The following MECOM variants were observed in gnomAD, a reference collection of about 807,000 sequenced individuals.
MECOM encodes the protein histone-lysine N-methyltransferase MECOM.
Under a neutral mutation model 116.3 loss-of-function variants are expected in MECOM, and 13 were observed. The observed-to-expected ratio is 0.11, with a 90% CI of 0.07 to 0.18. MECOM has a LOEUF of 0.18. MECOM is among the 10% of genes least tolerant of loss of function. The pLI is 1.00. For missense variants in MECOM, 1,299 were observed against 1,509.0 expected (o/e 0.86, Z 2.31); for synonymous variants, 528 against 535.2 (o/e 0.99, Z 0.19).
At chr3:169,520,870 C>T (rs1422686092) in intron 1 of MECOM, among the ~76,000 whole-genome samples, 1 of 152,170 alleles carries the variant, frequency 6.6e-6, no homozygotes, top group African/African-American at 2.4e-5. Flanking sequence ...GCTCTGCACC[C>T]ACCCCAATTG....
chr3:169,454,579 C>A (rs1278130522), intron 1 of MECOM, among the ~76,000 whole-genome samples: 1 of 151,930 alleles, frequency 6.6e-6, no homozygotes, highest in African/African-American at 2.4e-5. Flanking sequence ...AAGATACCTA[C>A]CTTTAGAATT....
chr3:169,363,699 G>A (rs1299608148), intron 2 of MECOM, among the ~76,000 whole-genome samples: 1 of 151,808 alleles, frequency 6.6e-6, no homozygotes, highest in East Asian at 1.9e-4. Flanking sequence ...CAGCCTGGCC[G>A]AAAAACTGTA....
chr3:169,101,316 C>A (rs2148950572), intron 11 of MECOM, among the ~76,000 whole-genome samples: 1 of 152,250 alleles, frequency 6.6e-6, no homozygotes, highest in Admixed American at 6.5e-5. Flanking sequence ...GTTTCTGATT[C>A]TGGGTTGATG....
intron 2 of MECOM, among the ~76,000 whole-genome samples, 180 bp from the exon 3 acceptor site, chr3:169,144,012 G>A (rs541574225): frequency 6.6e-5 from 10 of 152,170 alleles, no homozygotes; most frequent in African/African-American, 2.2e-4. Flanking sequence ...ACAACATACT[G>A]CTTTTTTAAA....
intron 2 of MECOM, among the ~76,000 whole-genome samples, chr3:169,180,929 A>G (rs1377066167): frequency 1.3e-5 from 2 of 151,386 alleles, no homozygotes; most frequent in African/African-American, 2.4e-5. Context: ...TCCAGTCTTA[A>G]AAAAAGGCAA....
intron 2 of MECOM, among the ~76,000 whole-genome samples, chr3:169,299,013 T>A (rs1447444363): frequency 1.3e-5 from 2 of 152,168 alleles, no homozygotes; most frequent in East Asian, 3.9e-4. Flanking sequence ...CTTGGAGAGA[T>A]CTTTAATCTG....
chr3:169,189,767 C>A (rs539667206), intron 2 of MECOM, among the ~76,000 whole-genome samples: 41 of 152,058 alleles, frequency 2.7e-4, no homozygotes, highest in Middle Eastern at 3.4e-3. Flanking sequence ...GACATAAATT[C>A]TCTCTCTCTC....
At chr3:169,453,558 C>T (rs1027618733) in intron 1 of MECOM, among the ~76,000 whole-genome samples, 6 of 152,106 alleles carry the variant, frequency 3.9e-5, no homozygotes, top group Non-Finnish European at 8.8e-5. Flanking sequence ...AGGAGGAGTA[C>T]TTCTTTACTA....
chr3:169,456,819 A>G (rs1746591421), intron 1 of MECOM, among the ~76,000 whole-genome samples: 1 of 152,162 alleles, frequency 6.6e-6, no homozygotes, highest in Non-Finnish European at 1.5e-5. Flanking sequence ...ATTAGTAATA[A>G]ACAAACTACT....
chr3:169,297,400 C>A (rs1006837874), intron 2 of MECOM, among the ~76,000 whole-genome samples: 12 of 152,190 alleles, frequency 7.9e-5, no homozygotes, highest in Non-Finnish European at 1.5e-4. Context: ...TTCTATCAAT[C>A]ATTAAACAAG....
chr3:169,433,558 GAGGA>G (rs140793511), intron 1 of MECOM, among the ~76,000 whole-genome samples: 4,377 of 146,016 alleles, frequency 0.03, 172 homozygotes, highest in African/African-American at 0.087. Flanking sequence ...AAGAAAGAAA[GAGGA>G]AGGAAGGAAG....
At chr3:169,642,162 A>G (rs559583444) in intron 1 of MECOM, among the ~76,000 whole-genome samples, 1 of 152,340 alleles carries the variant, frequency 6.6e-6, no homozygotes, top group Non-Finnish European at 1.5e-5. Context: ...AGAATCTAAC[A>G]AAATGGCATA....
intron 2 of MECOM, among the ~76,000 whole-genome samples, chr3:169,234,578 C>T (rs1753805749): frequency 6.6e-6 from 1 of 152,078 alleles, no homozygotes; most frequent in Non-Finnish European, 1.5e-5. Flanking sequence ...ATCTGGTAAA[C>T]TTACTAAAGA....
intron 10 of MECOM, among the ~76,000 whole-genome samples, chr3:169,105,617 T>C (rs918624356): frequency 6.6e-6 from 1 of 152,144 alleles, no homozygotes; most frequent in African/African-American, 2.4e-5. Context: ...AATTAGATCA[T>C]ATATTTTAAA....
chr3:169,251,271 A>T (rs930314540), intron 2 of MECOM, among the ~76,000 whole-genome samples: 1 of 152,214 alleles, frequency 6.6e-6, no homozygotes, highest in African/African-American at 2.4e-5. Flanking sequence ...ATAAAATATG[A>T]TAGCAATGCT....
intron 1 of MECOM, among the ~76,000 whole-genome samples, chr3:169,513,559 C>G (rs1381555683): frequency 6.6e-6 from 1 of 152,096 alleles, no homozygotes; most frequent in South Asian, 2.1e-4. Context: ...AATGCTCAGT[C>G]CGGAATTTCT....
At chr3:169,218,744 T>A (rs1751733772) in intron 2 of MECOM, among the ~76,000 whole-genome samples, 1 of 152,170 alleles carries the variant, frequency 6.6e-6, no homozygotes, top group Non-Finnish European at 1.5e-5. Flanking sequence ...GTATTAGGCA[T>A]CAAAAAGCCT....
intron 1 of MECOM, among the ~76,000 whole-genome samples, chr3:169,476,237 T>A (rs1314331786): frequency 2.0e-5 from 3 of 152,246 alleles, no homozygotes; most frequent in African/African-American, 7.2e-5. Context: ...AATTTTGATG[T>A]CTTCATAATG....
At chr3:169,537,135 C>G (rs1343514513) in intron 1 of MECOM, among the ~76,000 whole-genome samples, 1 of 152,146 alleles carries the variant, frequency 6.6e-6, no homozygotes, top group East Asian at 1.9e-4. Context: ...CACTTCAATA[C>G]TAAAATGTGA....
Sources: allele counts gnomAD v4.1 joint callset (sites outside exome capture counted in the v4.1 genomes callset), GRCh38; gene constraint gnomAD v4.1.1; transcripts MANE v1.5; gene names NCBI Gene and HGNC (gene_info 2026-07-23, HGNC 2026-07-21).